Variants in RBM10 observed in about 807,000 individuals in gnomAD.
The protein encoded by RBM10 is RNA-binding protein 10.
RBM10 carries 1 observed loss-of-function variant against 84.9 expected under a neutral mutation model. That is an observed-to-expected ratio of 0.01 (90% CI 0.00 to 0.06). RBM10 has a LOEUF of 0.06. Ranked by LOEUF, RBM10 falls within the 10% of genes least tolerant of loss-of-function variation. The probability of loss-of-function intolerance (pLI) is 1.00; values close to 1 mark genes in which losing one functional copy is unlikely to be tolerated. For synonymous variants in RBM10, 326 were observed against 344.5 expected (o/e 0.95, Z 0.60); for missense variants, 438 against 839.0 (o/e 0.52, Z 5.90).
chrX:47,145,539 G>A lies in RBM10; in HGVS notation c.-126+54G>A, dbSNP rs1556761661. The A allele has an allele frequency of 4.4e-6, 5 of 1,128,062 alleles. No individual in the cohort carries two copies. In the Admixed American group the frequency reaches 7.8e-5, roughly 18 times the overall value. 93.0% of individuals were successfully genotyped at this position (1,128,062 alleles called of 1,213,427 possible). ...GAGGTAAGGGGCCCGGGGCGGGGAC[G>A]TAGAGGAGGCGCGAGGGCGGACTTC... On this transcript the variant is annotated intron_variant, in intron 1 of 23. Transcript: ENST00000377604.
At chrX:47,176,141 A>AC (rs1935124261) in intron 6 of RBM10, among the ~76,000 whole-genome samples, 2 of 67,869 alleles carry the variant, frequency 2.9e-5, no homozygotes, top group Admixed American at 3.5e-4. Flanking sequence ...GTCTCCCCTC[A>AC]CCCCCCAAGT....
intron 8 of RBM10, 29 bp from the exon 9 acceptor site, chrX:47,179,290 A>G: frequency 8.4e-7 from 1 of 1,190,279 alleles, no homozygotes; most frequent in Non-Finnish European, 1.1e-6. Flanking sequence ...TCCCCTTATC[A>G]CCAGCCTGTC....
intron 2 of RBM10, chrX:47,157,403 G>A (rs191638370): frequency 1.2e-5 from 4 of 323,472 alleles, no homozygotes; most frequent in Admixed American, 3.7e-5. Context: ...GAGAGTTGGT[G>A]CCGTGAGCCA....
intron 9 of RBM10, 119 bp downstream of exon 9, chrX:47,179,614 T>G: frequency 7.9e-6 from 7 of 891,342 alleles, no homozygotes; most frequent in Non-Finnish European, 1.1e-5. Flanking sequence ...GGTGCGGGGA[T>G]AGACATTTGA....
chrX:47,172,177 G>A, intron 4 of RBM10, among the ~76,000 whole-genome samples: 1 of 112,386 alleles, frequency 8.9e-6, no homozygotes, highest in East Asian at 2.8e-4. Context: ...GAGTGGGAAT[G>A]TGACTTGCCC....
At chrX:47,153,223 T>C (rs1295353553) in intron 2 of RBM10, among the ~76,000 whole-genome samples, 2 of 107,201 alleles carry the variant, frequency 1.9e-5, no homozygotes, top group African/African-American at 7.6e-5. Flanking sequence ...AATATACTTA[T>C]CAATATCAGG....
intron 2 of RBM10, among the ~76,000 whole-genome samples, chrX:47,155,496 G>T (rs1933026190): frequency 9.1e-6 from 1 of 109,559 alleles, no homozygotes; most frequent in African/African-American, 3.3e-5. Flanking sequence ...ACTTTGGGAG[G>T]CTGAGGTGGG....
At chrX:47,146,758 G>A (rs920468268) in intron 1 of RBM10, among the ~76,000 whole-genome samples, 1 of 111,634 alleles carries the variant, frequency 9.0e-6, no homozygotes, top group Non-Finnish European at 1.9e-5. Flanking sequence ...TGCTGTGTGA[G>A]GGCCAAGGCT....
At chrX:47,149,172 G>T (rs782484218) in intron 2 of RBM10, among the ~76,000 whole-genome samples, 1 of 111,248 alleles carries the variant, frequency 9.0e-6, no homozygotes, top group Non-Finnish European at 1.9e-5. Flanking sequence ...ATTACTCAGA[G>T]TGGGAGGTTT....
chrX:47,180,567 A>G, intron 12 of RBM10, 61 bp downstream of exon 12: 1 of 1,185,389 alleles, frequency 8.4e-7, no homozygotes, highest in South Asian at 1.9e-5. Flanking sequence ...ACCCTCCTGC[A>G]CCCTCTCTGA....
At chrX:47,179,745 G>A in intron 9 of RBM10, 135 bp from the exon 10 acceptor site, 1 of 901,355 alleles carries the variant, frequency 1.1e-6, no homozygotes, top group Non-Finnish European at 1.6e-6. Flanking sequence ...GATCCTGGAG[G>A]AAGCAGTGAG....
chrX:47,184,726 A>G (rs1433129091), intron 17 of RBM10, among the ~76,000 whole-genome samples: 6 of 111,223 alleles, frequency 5.4e-5, no homozygotes, highest in Non-Finnish European at 1.1e-4. Context: ...GTGTTCAGTG[A>G]TGAGGTCAGG....
At chrX:47,150,868 GAT>G (rs1932763874) in intron 2 of RBM10, among the ~76,000 whole-genome samples, 1 of 111,657 alleles carries the variant, frequency 9.0e-6, no homozygotes, top group African/African-American at 3.3e-5. Flanking sequence ...AATTTTGATC[GAT>G]GTTACACTGA....
At chrX:47,151,991 C>T (rs1932806455) in intron 2 of RBM10, among the ~76,000 whole-genome samples, 2 of 111,351 alleles carry the variant, frequency 1.8e-5, no homozygotes, top group South Asian at 7.5e-4. Context: ...GTGGTTGGAT[C>T]GCTTGAGGCC....
intron 2 of RBM10, among the ~76,000 whole-genome samples, chrX:47,162,833 C>T (rs1411782660): frequency 1.9e-5 from 2 of 107,122 alleles, no homozygotes; most frequent in Non-Finnish European, 3.8e-5. Context: ...ATGGCGCCAC[C>T]GCACTCCAGC....
chrX:47,165,594 G>A (rs782399952), intron 2 of RBM10, among the ~76,000 whole-genome samples: 7 of 110,007 alleles, frequency 6.4e-5, no homozygotes, highest in Non-Finnish European at 9.5e-5. Flanking sequence ...TGAGGCAGGC[G>A]GATCACCTGA....
chrX:47,174,280 C>G (rs184903600), intron 5 of RBM10, among the ~76,000 whole-genome samples: 2 of 110,937 alleles, frequency 1.8e-5, no homozygotes, highest in East Asian at 5.8e-4. Flanking sequence ...CCCATTGATT[C>G]TTACCTCTAA....
intron 4 of RBM10, among the ~76,000 whole-genome samples, chrX:47,171,584 C>T (rs142252586): frequency 2.2e-3 from 253 of 112,892 alleles, no homozygotes; most frequent in African/African-American, 6.5e-3. Flanking sequence ...ATGGGCCAGA[C>T]GCTCACCGGG....
rs188649649 is a variant in RBM10 at position 47,149,884 on chromosome X, G to T, written c.17+2386G>T. Among the ~76,000 whole-genome samples, 233 of 98,676 alleles carry T rather than the reference G, an allele frequency of 2.4e-3. 2 individuals are homozygous for T. Among genetic ancestry groups the T allele is most frequent in the African/African-American group, 8.4e-3 (223 of 26,514 alleles). 85.7% of individuals were successfully genotyped at this position (98,676 alleles called of 115,157 possible). A position where few individuals can be genotyped will look rare whatever the true frequency, so the allele number is the denominator to read the frequency against. On this transcript the variant is annotated intron_variant, in intron 2 of 23. Transcript: ENST00000377604. ...TGCCCAGGCTGGAGTACAATGGCGC[G>T]ATCTCGGCTCACCACAACCTCCACC...
Sources: allele counts gnomAD v4.1 joint callset (sites outside exome capture counted in the v4.1 genomes callset), GRCh38; gene constraint gnomAD v4.1.1; transcripts MANE v1.5; gene names NCBI Gene and HGNC (gene_info 2026-07-23, HGNC 2026-07-21).